VPS53: variants seen among roughly 807,000 people sequenced by gnomAD.
VPS53 encodes the protein vacuolar protein sorting-associated protein 53 homolog.
A neutral mutation model predicts 107.0 loss-of-function variants in VPS53; 70 were observed. That is an observed-to-expected ratio of 0.65 (90% CI 0.54 to 0.80). The LOEUF (loss-of-function observed/expected upper bound fraction) is 0.80. VPS53 is among the 30% of genes least tolerant of loss of function. The pLI is 0.00. For missense variants in VPS53, 917 were observed against 1,049.4 expected (o/e 0.87, Z 1.74); for synonymous variants, 409 against 393.3 (o/e 1.04, Z -0.47).
rs1178077234 is a variant in VPS53, at chr17:515,334, C to G, written c.*3794G>C. ...GCAGCCTCTGCCTCCTGGGTTCAAG[C>G]GATCCTCCTGCTTCAGCCTCCTGAG... On this transcript the variant is annotated 3_prime_UTR_variant, in exon 22 of 22. Transcript: ENST00000437048. The G allele has an allele frequency of 6.6e-6, 1 of 152,084 alleles. No homozygotes were observed. The highest frequency in any genetic ancestry group is 1.5e-5 in the Non-Finnish European group (1 of 68,136). The allele number at this position is 152,084 out of a possible 1,614,324, so 9.4% of individuals were successfully genotyped here.
chr17:659,033 G>C (rs1415891503), intron 5 of VPS53, among the ~76,000 whole-genome samples: 1 of 133,954 alleles, frequency 7.5e-6, no homozygotes, highest in African/African-American at 2.7e-5. Context: ...TGTTTCCAAT[G>C]AATTAAAAAA....
At chr17:637,060 G>A (rs2143254415) in intron 7 of VPS53, among the ~76,000 whole-genome samples, 1 of 152,204 alleles carries the variant, frequency 6.6e-6, no homozygotes, top group Admixed American at 6.5e-5. Flanking sequence ...ACTTTTTTTG[G>A]TTGGTAGGCT....
intron 2 of VPS53, among the ~76,000 whole-genome samples, chr17:699,755 T>G (rs576557072): frequency 6.6e-6 from 1 of 152,330 alleles, no homozygotes; most frequent in South Asian, 2.1e-4. Context: ...GTGTACGTGA[T>G]TGTGACAAAT....
At chr17:571,841 A>G (rs1192932085) in intron 13 of VPS53, among the ~76,000 whole-genome samples, 1 of 152,326 alleles carries the variant, frequency 6.6e-6, no homozygotes, top group East Asian at 1.9e-4. Flanking sequence ...TGGTTCACTC[A>G]GTGCTCAATG....
intron 13 of VPS53, among the ~76,000 whole-genome samples, chr17:567,339 T>C (rs1913617759): frequency 6.6e-6 from 1 of 152,166 alleles, no homozygotes; most frequent in South Asian, 2.1e-4. Flanking sequence ...GGGGAAACCT[T>C]CCCCTGCCTT....
chr17:635,320 C>T (rs1352450082), intron 7 of VPS53, among the ~76,000 whole-genome samples: 1 of 152,150 alleles, frequency 6.6e-6, no homozygotes, highest in Non-Finnish European at 1.5e-5. Flanking sequence ...GAGTAGATTG[C>T]AAAAATTTTC....
At chr17:666,281 GA>G (rs1320206779) in intron 4 of VPS53, among the ~76,000 whole-genome samples, 1 of 152,172 alleles carries the variant, frequency 6.6e-6, no homozygotes, top group Non-Finnish European at 1.5e-5. Context: ...AGTGACATGA[GA>G]AAAAATCAGG....
chr17:611,148 G>C lies in VPS53; in HGVS notation c.1117-9252C>G, dbSNP rs372245949. The stretch of plus-strand genomic sequence containing the variant: ...CCTGCCTCAGCCTCCCGAGTAGCTG[G>C]GATTATAGGCACCCGCCACCACGCC... On this transcript the variant is annotated intron_variant, in intron 11 of 21. Coordinates refer to ENST00000437048, the MANE Select transcript of VPS53 (RefSeq NM_001128159.3). Among the ~76,000 whole-genome samples the C allele has an allele frequency of 4.7e-3, 720 of 152,082 alleles. 3 individuals are homozygous for C. The highest frequency in any genetic ancestry group is 0.017 in the African/African-American group (686 of 41,484).
At chr17:562,833 G>A in intron 13 of VPS53, 88 bp from the exon 14 acceptor site, 1 of 1,421,598 alleles carries the variant, frequency 7.0e-7, no homozygotes, top group Non-Finnish European at 9.5e-7. Context: ...ATAAACTACT[G>A]CCACAAGTAA....
At chr17:556,595 T>G (rs1912378310) in intron 15 of VPS53, among the ~76,000 whole-genome samples, 1 of 152,182 alleles carries the variant, frequency 6.6e-6, no homozygotes, top group Non-Finnish European at 1.5e-5. Flanking sequence ...GCCACAGTGT[T>G]GAGAGGTATG....
intron 3 of VPS53, among the ~76,000 whole-genome samples, 171 bp from the exon 4 acceptor site, chr17:697,655 G>C (rs1048228274): frequency 6.6e-6 from 1 of 151,816 alleles, no homozygotes; most frequent in Non-Finnish European, 1.5e-5. Flanking sequence ...AGCGACAGCC[G>C]TGCGGGAAGT....
chr17:631,432 A>G, intron 8 of VPS53, 118 bp downstream of exon 8: 1 of 1,076,260 alleles, frequency 9.3e-7, no homozygotes, highest in Non-Finnish European at 1.4e-6. Flanking sequence ...CTGCAGCAGA[A>G]GGATTTGCAG....
intron 15 of VPS53, among the ~76,000 whole-genome samples, chr17:560,177 G>A (rs1912798136): frequency 1.3e-5 from 2 of 152,218 alleles, no homozygotes; most frequent in Admixed American, 1.3e-4. Flanking sequence ...CCTTTGAGGA[G>A]CTTACACAAC....
At chr17:572,513 C>G (rs1385471830) in intron 13 of VPS53, among the ~76,000 whole-genome samples, 1 of 151,794 alleles carries the variant, frequency 6.6e-6, no homozygotes, top group Admixed American at 6.6e-5. Context: ...CTCTGCCCAG[C>G]GCGTCTGGGA....
chr17:708,617 C>G (rs1442592310), intron 2 of VPS53, among the ~76,000 whole-genome samples: 1 of 152,068 alleles, frequency 6.6e-6, no homozygotes, highest in African/African-American at 2.4e-5. Flanking sequence ...TGTTCTCTAA[C>G]TCCCCCAGGG....
intron 13 of VPS53, among the ~76,000 whole-genome samples, chr17:572,410 G>C (rs1412710009): frequency 6.7e-6 from 1 of 148,948 alleles, no homozygotes; most frequent in Non-Finnish European, 1.5e-5. Context: ...CGGGAGGGAG[G>C]TGGGGGGGTC....
chr17:641,782 C>T (rs1039170087), intron 7 of VPS53, among the ~76,000 whole-genome samples: 7 of 152,150 alleles, frequency 4.6e-5, no homozygotes, highest in East Asian at 3.9e-4. Flanking sequence ...TGTGAAAGTC[C>T]GCCTACAACT....
chr17:619,282 C>T (rs1969335791), intron 11 of VPS53, among the ~76,000 whole-genome samples: 1 of 150,412 alleles, frequency 6.6e-6, no homozygotes, highest in African/African-American at 2.5e-5. Flanking sequence ...ACCACCACAC[C>T]TGCTAATATT....
chr17:613,874 G>GA (rs1205578416), intron 11 of VPS53, among the ~76,000 whole-genome samples: 2 of 152,358 alleles, frequency 1.3e-5, no homozygotes, highest in South Asian at 4.1e-4. Flanking sequence ...GAAACCACCC[G>GA]AATGTCCACA....
Sources: allele counts gnomAD v4.1 joint callset (sites outside exome capture counted in the v4.1 genomes callset), GRCh38; gene constraint gnomAD v4.1.1; transcripts MANE v1.5; gene names NCBI Gene and HGNC (gene_info 2026-07-23, HGNC 2026-07-21).